Variants in ROBO1 observed in about 807,000 individuals in gnomAD.
ROBO1 encodes roundabout homolog 1.
ROBO1 carries 149 observed loss-of-function variants against 195.9 expected under a neutral mutation model. The observed-to-expected ratio is 0.76, with a 90% confidence interval of 0.67 to 0.87. ROBO1 has a LOEUF of 0.87. ROBO1 is among the 40% of genes least tolerant of loss of function. The probability of loss-of-function intolerance (pLI) is 0.00; values close to 1 mark genes in which losing one functional copy is unlikely to be tolerated. For synonymous variants in ROBO1, 816 were observed against 733.2 expected, an observed-to-expected ratio of 1.11 and a Z score of -1.82; for missense variants, 1,933 against 2,068.3, an observed-to-expected ratio of 0.93 and a Z score of 1.27.
chr3:79,580,858 GT>G (rs1358643332), intron 2 of ROBO1, among the ~76,000 whole-genome samples: 7 of 152,216 alleles, frequency 4.6e-5, no homozygotes, highest in African/African-American at 1.4e-4. Context: ...TTCTTCTCAA[GT>G]TTTTATATAC....
At chr3:79,234,389 T>G (rs536299349) in intron 2 of ROBO1, among the ~76,000 whole-genome samples, 30 of 152,166 alleles carry the variant, frequency 2.0e-4, no homozygotes, top group Non-Finnish European at 3.7e-4. Context: ...GGGTCCAGTT[T>G]CATTCTGCAT....
At chr3:78,694,232 A>C (rs2081238566) in intron 8 of ROBO1, among the ~76,000 whole-genome samples, 1 of 152,204 alleles carries the variant, frequency 6.6e-6, no homozygotes, top group Non-Finnish European at 1.5e-5. Context: ...TTTTATAAGC[A>C]AATATAATTA....
intron 2 of ROBO1, among the ~76,000 whole-genome samples, chr3:79,449,768 G>A (rs867441705): frequency 1.8e-4 from 28 of 152,032 alleles, no homozygotes; most frequent in African/African-American, 6.5e-4. Flanking sequence ...TTTAAAAAAG[G>A]AAAGTTTAAA....
chr3:78,904,347 T>C (rs1310225667), intron 4 of ROBO1, among the ~76,000 whole-genome samples: 1 of 152,026 alleles, frequency 6.6e-6, no homozygotes, highest in Non-Finnish European at 1.5e-5. Flanking sequence ...TTTTACAAAG[T>C]TTTATACACC....
chr3:78,962,781 G>T (rs931973788), intron 3 of ROBO1, among the ~76,000 whole-genome samples: 2 of 126,218 alleles, frequency 1.6e-5, no homozygotes, highest in Non-Finnish European at 3.1e-5. Context: ...CCGAGATCGC[G>T]CCACTGCACT....
At chr3:78,969,430 C>T (rs1036108747) in intron 3 of ROBO1, among the ~76,000 whole-genome samples, 1 of 152,182 alleles carries the variant, frequency 6.6e-6, no homozygotes, top group Non-Finnish European at 1.5e-5. Context: ...AGTTACATTG[C>T]TAATCACTTG....
chr3:79,314,419 T>C (rs1395749609), intron 2 of ROBO1, among the ~76,000 whole-genome samples: 3 of 152,126 alleles, frequency 2.0e-5, no homozygotes, highest in South Asian at 2.1e-4. Context: ...TGAGATCTGA[T>C]GGTTTCATAA....
intron 1 of ROBO1, among the ~76,000 whole-genome samples, chr3:79,622,651 T>C (rs1945044556): frequency 6.6e-6 from 1 of 152,140 alleles, no homozygotes; most frequent in African/African-American, 2.4e-5. Flanking sequence ...CTCCAATAAC[T>C]CCAGCCAGAG....
intron 2 of ROBO1, among the ~76,000 whole-genome samples, chr3:79,296,222 G>A (rs920425633): frequency 2.6e-5 from 4 of 152,048 alleles, no homozygotes; most frequent in African/African-American, 4.8e-5. Context: ...ACACATGAAT[G>A]CTAACACAGA....
chr3:79,175,533 T>G (rs1237101749), intron 2 of ROBO1, among the ~76,000 whole-genome samples: 1 of 152,234 alleles, frequency 6.6e-6, no homozygotes, highest in Non-Finnish European at 1.5e-5. Context: ...TGGAAAACTT[T>G]CCTTGAGTTT....
At chr3:78,779,938 A>C (rs912216588) in intron 4 of ROBO1, among the ~76,000 whole-genome samples, 1 of 152,210 alleles carries the variant, frequency 6.6e-6, no homozygotes, top group South Asian at 2.1e-4. Flanking sequence ...AAAAAGAATG[A>C]GTTCATGTCC....
At chr3:79,414,559 TATAG>T (rs1475352520) in intron 2 of ROBO1, among the ~76,000 whole-genome samples, 3 of 152,136 alleles carry the variant, frequency 2.0e-5, no homozygotes, top group Non-Finnish European at 2.9e-5. Flanking sequence ...TAGAAGATGT[TATAG>T]ATAAATAAAG....
chr3:78,848,961 C>A (rs191330408), intron 4 of ROBO1, among the ~76,000 whole-genome samples: 1 of 152,032 alleles, frequency 6.6e-6, no homozygotes, highest in East Asian at 1.9e-4. Context: ...GGTGGAAAAT[C>A]AGGATGAGAG....
chr3:78,811,762 A>C (rs564510634), intron 4 of ROBO1, among the ~76,000 whole-genome samples: 1 of 152,232 alleles, frequency 6.6e-6, no homozygotes, highest in Admixed American at 6.5e-5. Flanking sequence ...TTAAGTAGCT[A>C]ACTCCTATTT....
At chr3:78,902,542 TA>T (rs941344134) in intron 4 of ROBO1, among the ~76,000 whole-genome samples, 8 of 151,960 alleles carry the variant, frequency 5.3e-5, no homozygotes, top group Non-Finnish European at 1.0e-4. Flanking sequence ...GGCATATTAA[TA>T]AAAAAAATTT....
intron 1 of ROBO1, among the ~76,000 whole-genome samples, chr3:79,624,976 G>T (rs147055916): frequency 0.026 from 4,004 of 152,152 alleles, 89 homozygotes; most frequent in East Asian, 0.13. Context: ...AAATGCAAAA[G>T]AACTGAAATT....
rs773705311 is a variant in ROBO1, at chr3:78,685,921, G to T, written c.1171-4C>A. 1.3e-6 allele frequency: 2 copies of T among 1,562,198 alleles called. No homozygotes were observed. Among genetic ancestry groups the T allele is most frequent in the Non-Finnish European group, 1.7e-6 (2 of 1,149,368 alleles). On this transcript the variant is annotated splice_region_variant and splice_polypyrimidine_tract_variant and intron_variant, in intron 9 of 30. Coordinates refer to ENST00000464233, the MANE Select transcript of ROBO1 (RefSeq NM_002941.4). ...GTTGATATGAGAAAAGTAGATTCTAGAACCCAGAAATTGGGATGGAGGAAA... is the reference window on the plus strand; with the variant it reads ...GTTGATATGAGAAAAGTAGATTCTATAACCCAGAAATTGGGATGGAGGAAA...
intron 1 of ROBO1, among the ~76,000 whole-genome samples, chr3:79,622,394 C>G (rs1217602283): frequency 6.6e-6 from 1 of 152,200 alleles, no homozygotes; most frequent in Non-Finnish European, 1.5e-5. Flanking sequence ...GGAGGGGTAG[C>G]AGCTGGTACT....
At chr3:79,564,599 T>C (rs1395234461) in intron 2 of ROBO1, among the ~76,000 whole-genome samples, 1 of 152,094 alleles carries the variant, frequency 6.6e-6, no homozygotes, top group African/African-American at 2.4e-5. Flanking sequence ...ATAAATGCTG[T>C]ATTATAATTA....
Sources: gnomAD v4.1 joint callset for allele counts (sites outside exome capture counted in the v4.1 genomes callset) on GRCh38, gnomAD v4.1.1 for gene constraint, MANE v1.5 for transcripts, NCBI Gene and HGNC (gene_info 2026-07-23, HGNC 2026-07-21) for gene names.